The following UVRAG variants were observed in gnomAD, a reference collection of about 807,000 sequenced individuals.
The protein encoded by UVRAG is UV radiation resistance associated.
A neutral mutation model predicts 78.0 loss-of-function variants in UVRAG; 19 were observed. The observed-to-expected ratio is 0.24, with a 90% CI of 0.17 to 0.36. The LOEUF (loss-of-function observed/expected upper bound fraction) is 0.36. Among genes scored for constraint, UVRAG ranks in the 10% least tolerant of loss-of-function variants. The probability of loss-of-function intolerance (pLI) is 1.00; values close to 1 mark genes in which losing one functional copy is unlikely to be tolerated. For missense variants in UVRAG, 740 were observed against 853.8 expected (o/e 0.87, Z 1.66); for synonymous variants, 323 against 324.6 (o/e 1.00, Z 0.05).
chr11:76,123,477 G>A (rs1388413740), intron 14 of UVRAG, among the ~76,000 whole-genome samples: 2 of 152,302 alleles, frequency 1.3e-5, no homozygotes, highest in African/African-American at 4.8e-5. Flanking sequence ...CGTAGTGTTT[G>A]TGGAATGCTT....
Position 75,879,887 on chromosome 11 carries a change from G to A in UVRAG, c.279G>A (p.Thr93=), listed in dbSNP as rs774936246. ...TTCATTTTCATGAGCAGAATCCCAC[G>A]TGGCGAAGTCTCGATTTTGGAATTA... ...SEVIKNSLNP[T]WRSLDFGIMP... The change falls in exon 4 of 15, where the codon ACG becomes ACA. Residue 93 remains threonine, a synonymous_variant. Coordinates refer to ENST00000356136, the MANE Select transcript of UVRAG (RefSeq NM_003369.4). 4.3e-6 allele frequency: 7 copies of A among 1,613,876 alleles called. No individual in the cohort carries two copies. The highest frequency in any genetic ancestry group is 1.1e-5 in the South Asian group (1 of 91,056).
chr11:75,815,574 G>A, intron 1 of UVRAG, 50 bp downstream of exon 1: 1 of 1,146,396 alleles, frequency 8.7e-7, no homozygotes, highest in Non-Finnish European at 1.1e-6. Flanking sequence ...GCAGGCCCGC[G>A]TGGAGAGCTT....
chr11:75,846,242 A>C (rs1203880787), intron 1 of UVRAG, among the ~76,000 whole-genome samples: 1 of 152,218 alleles, frequency 6.6e-6, no homozygotes, highest in Non-Finnish European at 1.5e-5. Flanking sequence ...TAAAAGTGTT[A>C]TTAAGACTTA....
Position 76,078,956 on chromosome 11 carries a change from T to A in UVRAG, c.1305+13168T>A, listed in dbSNP as rs1346719232. On this transcript the variant is annotated intron_variant, in intron 13 of 14. Transcript: ENST00000356136. Reference sequence around the variant, plus strand: ...AAAAAAAAGAAATTTCAGGGTTATATTCCATCACTTTTAACTTGCCAGTAC... The same window carrying A: ...AAAAAAAAGAAATTTCAGGGTTATAATCCATCACTTTTAACTTGCCAGTAC... 2.0e-5 allele frequency among the ~76,000 whole-genome samples: 3 copies of A among 151,584 alleles called. No homozygotes were observed. In the South Asian group the frequency reaches 6.3e-4, roughly 32 times the overall value.
chr11:75,872,233 A>C (rs1014845995), intron 3 of UVRAG, among the ~76,000 whole-genome samples: 13 of 152,126 alleles, frequency 8.5e-5, no homozygotes, highest in African/African-American at 2.9e-4. Context: ...AAGATTATTC[A>C]ACCTTTTCTC....
At chr11:76,050,269 A>C (rs1462284771) in intron 12 of UVRAG, among the ~76,000 whole-genome samples, 1 of 152,244 alleles carries the variant, frequency 6.6e-6, no homozygotes, top group Non-Finnish European at 1.5e-5. Flanking sequence ...TAAAACCAAG[A>C]AAGAAAGAGT....
chr11:75,852,209 T>C (rs1946167940), intron 2 of UVRAG, among the ~76,000 whole-genome samples: 1 of 152,240 alleles, frequency 6.6e-6, no homozygotes, highest in African/African-American at 2.4e-5. Flanking sequence ...CTTACATTGA[T>C]ACGTTTATCA....
chr11:75,958,216 A>G (rs1253590749), intron 6 of UVRAG, among the ~76,000 whole-genome samples: 1 of 152,186 alleles, frequency 6.6e-6, no homozygotes, highest in Admixed American at 6.5e-5. Flanking sequence ...ATAAGACAAC[A>G]TGAAGTTTGA....
chr11:75,958,721 G>A (rs748235724), intron 6 of UVRAG, among the ~76,000 whole-genome samples: 4 of 152,094 alleles, frequency 2.6e-5, no homozygotes, highest in Admixed American at 6.6e-5. Context: ...TCAGAATGGC[G>A]AATCCTTTCC....
intron 13 of UVRAG, among the ~76,000 whole-genome samples, chr11:76,076,209 A>G (rs1309608759): frequency 6.6e-6 from 1 of 152,182 alleles, no homozygotes; most frequent in Admixed American, 6.5e-5. Context: ...TCCCACTACT[A>G]ATGTACAAAG....
At chr11:76,022,053 C>CAAA (rs904466723) in intron 12 of UVRAG, among the ~76,000 whole-genome samples, 1 of 141,676 alleles carries the variant, frequency 7.1e-6, no homozygotes, top group Non-Finnish European at 1.5e-5. Flanking sequence ...GACCCTGTCT[C>CAAA]AAAAAAAAAA....
intron 13 of UVRAG, among the ~76,000 whole-genome samples, chr11:76,113,096 T>G (rs1262371605): frequency 6.6e-6 from 1 of 152,090 alleles, no homozygotes; most frequent in Non-Finnish European, 1.5e-5. Context: ...ATGGCAGTTA[T>G]CACTTCCAGT....
chr11:75,888,755 A>T (rs968762115), intron 4 of UVRAG, 74 bp from the exon 5 acceptor site: 6 of 1,284,956 alleles, frequency 4.7e-6, no homozygotes, highest in Non-Finnish European at 6.5e-6. Context: ...TCCTGTTGTA[A>T]CTGTCATTCT....
intron 5 of UVRAG, among the ~76,000 whole-genome samples, chr11:75,897,734 G>A (rs1947374947): frequency 6.6e-6 from 1 of 151,876 alleles, no homozygotes; most frequent in Non-Finnish European, 1.5e-5. Context: ...ATGTTGTCCA[G>A]GCTGGTCTCG....
chr11:76,052,445 C>T (rs1950887800), intron 12 of UVRAG, among the ~76,000 whole-genome samples: 1 of 152,156 alleles, frequency 6.6e-6, no homozygotes, highest in South Asian at 2.1e-4. Flanking sequence ...GAGCTCCCCT[C>T]TCTCTATGCC....
At chr11:76,089,713 G>C (rs1028112122) in intron 13 of UVRAG, among the ~76,000 whole-genome samples, 2 of 152,114 alleles carry the variant, frequency 1.3e-5, no homozygotes, top group Non-Finnish European at 2.9e-5. Context: ...AACAATCTTA[G>C]CAGATTATGT....
chr11:76,031,132 A>G (rs1024222387), intron 12 of UVRAG, among the ~76,000 whole-genome samples: 7 of 152,144 alleles, frequency 4.6e-5, no homozygotes, highest in Non-Finnish European at 7.3e-5. Context: ...TTAACTCTGG[A>G]TGCTCTGGCC....
intron 1 of UVRAG, among the ~76,000 whole-genome samples, chr11:75,841,896 T>A (rs940777775): frequency 1.3e-5 from 2 of 152,154 alleles, no homozygotes; most frequent in East Asian, 3.8e-4. Flanking sequence ...TCATCATTAA[T>A]TTTGCTCAGA....
intron 5 of UVRAG, among the ~76,000 whole-genome samples, chr11:75,895,249 A>T (rs1947315437): frequency 6.6e-6 from 1 of 152,154 alleles, no homozygotes; most frequent in African/African-American, 2.4e-5. Context: ...ATTGCTGATG[A>T]TTTTGTTGAT....
Sources: gnomAD v4.1 joint callset for allele counts (sites outside exome capture counted in the v4.1 genomes callset) on GRCh38, gnomAD v4.1.1 for gene constraint, MANE v1.5 for transcripts, NCBI Gene and HGNC (gene_info 2026-07-23, HGNC 2026-07-21) for gene names.